Variants in RAF1 observed in about 807,000 individuals in gnomAD.
The protein encoded by RAF1 is RAF proto-oncogene serine/threonine-protein kinase.
RAF1 carries 27 observed loss-of-function variants against 81.1 expected under a neutral mutation model. The ratio of observed to expected loss-of-function variants is 0.33; its 90% CI spans 0.25 to 0.46. The LOEUF is 0.46. Among genes scored for constraint, RAF1 ranks in the 20% least tolerant of loss-of-function variants. The pLI is 1.00. For synonymous variants in RAF1, 298 were observed against 294.0 expected, an observed-to-expected ratio of 1.01 and a Z score of -0.14; for missense variants, 598 against 826.0, an observed-to-expected ratio of 0.72 and a Z score of 3.38.
chr3:12,625,779 T>C (rs1456778467), intron 1 of RAF1, among the ~76,000 whole-genome samples: 1 of 152,048 alleles, frequency 6.6e-6, no homozygotes. Flanking sequence ...TGACTGCACC[T>C]GTGAAGAGCC....
At chr3:12,631,847 G>A (rs1287994545) in intron 1 of RAF1, among the ~76,000 whole-genome samples, 4 of 152,110 alleles carry the variant, frequency 2.6e-5, no homozygotes, top group Admixed American at 2.6e-4. Context: ...CCTGCTAGCT[G>A]AGCTACATCT....
In RAF1 at chr3:12,663,872, T is replaced by C; in HGVS notation, c.-86A>G. The C allele has an allele frequency of 2.5e-6, 1 of 397,892 alleles. No individual in the cohort carries two copies. The highest frequency in any genetic ancestry group is 4.4e-6 in the Non-Finnish European group (1 of 225,622). 24.6% of individuals were successfully genotyped at this position (397,892 alleles called of 1,614,324 possible). ...TCGGCGGCAGCTTCTCGCCCGCTCC[T>C]CCTCCCCGCGGCGGGTGAGGGAGCG... is the stretch of plus-strand genomic sequence containing the variant. On this transcript the variant is annotated 5_prime_UTR_variant, in exon 1 of 18. Coordinates refer to ENST00000442415, the MANE Select transcript of RAF1 (RefSeq NM_001354689.3).
intron 1 of RAF1, among the ~76,000 whole-genome samples, chr3:12,638,669 C>T (rs1467397724): frequency 6.6e-6 from 1 of 152,192 alleles, no homozygotes; most frequent in Non-Finnish European, 1.5e-5. Flanking sequence ...TTTCTACCTA[C>T]TCACACATCC....
chr3:12,583,963 C>G lies in RAF1; in HGVS notation c.*551G>C, dbSNP rs1269619857. On this transcript the variant is annotated 3_prime_UTR_variant, in exon 18 of 18. Coordinates refer to ENST00000442415, the MANE Select transcript of RAF1 (RefSeq NM_001354689.3). ...TAGAAGCTGTGAAAGGAGGACGTGT[C>G]CCCTAAGAAAAGTTCCATAGTACCA... is the stretch of plus-strand genomic sequence containing the variant. 4.1e-6 allele frequency: 1 copy of G among 244,214 alleles called. No individual in the cohort carries two copies. Among genetic ancestry groups the G allele is most frequent in the African/African-American group, 2.2e-5 (1 of 45,510 alleles). 15.1% of individuals were successfully genotyped at this position (244,214 alleles called of 1,614,324 possible). A position where few individuals can be genotyped will look rare whatever the true frequency, so the allele number is the denominator to read the frequency against.
chr3:12,647,651 GA>G (rs980367544), intron 1 of RAF1, among the ~76,000 whole-genome samples: 22 of 152,002 alleles, frequency 1.4e-4, no homozygotes, highest in African/African-American at 4.8e-4. Context: ...CACAACACTG[GA>G]AAAAAAATAA....
At chr3:12,656,961 TAC>T (rs1263034324) in intron 1 of RAF1, among the ~76,000 whole-genome samples, 3 of 147,944 alleles carry the variant, frequency 2.0e-5, no homozygotes, top group Admixed American at 6.9e-5. Flanking sequence ...CACGCCACTG[TAC>T]GCCAGCCTTT....
At chr3:12,617,038 C>T (rs2059390057) in intron 2 of RAF1, among the ~76,000 whole-genome samples, 1 of 152,170 alleles carries the variant, frequency 6.6e-6, no homozygotes, top group South Asian at 2.1e-4. Flanking sequence ...GGGCTCAAGC[C>T]ATCCTCCCAC....
chr3:12,640,914 A>G (rs528999006), intron 1 of RAF1, among the ~76,000 whole-genome samples: 1 of 152,264 alleles, frequency 6.6e-6, no homozygotes, highest in African/African-American at 2.4e-5. Flanking sequence ...ACATGCACAC[A>G]TATGTTTATT....
At chr3:12,644,112 T>C (rs778539280) in intron 1 of RAF1, among the ~76,000 whole-genome samples, 2 of 152,162 alleles carry the variant, frequency 1.3e-5, no homozygotes, top group Admixed American at 6.6e-5. Flanking sequence ...CACAACTATG[T>C]TCAAGGTGCA....
At chr3:12,639,456 T>G (rs936145826) in intron 1 of RAF1, among the ~76,000 whole-genome samples, 2 of 152,184 alleles carry the variant, frequency 1.3e-5, no homozygotes, top group Non-Finnish European at 2.9e-5. Context: ...ATGACATGAT[T>G]GTATATTTAG....
intron 11 of RAF1, among the ~76,000 whole-genome samples, chr3:12,599,466 A>G (rs1274608716): frequency 6.6e-6 from 1 of 152,230 alleles, no homozygotes; most frequent in Non-Finnish European, 1.5e-5. Flanking sequence ...ACATTTGATT[A>G]TAGGGCTCAA....
intron 5 of RAF1, among the ~76,000 whole-genome samples, chr3:12,607,013 C>T (rs1310474819): frequency 6.6e-6 from 1 of 152,156 alleles, no homozygotes; most frequent in Non-Finnish European, 1.5e-5. Context: ...CTAGGAAATA[C>T]TGGTCCTGTG....
At chr3:12,614,356 T>G (rs1377001363) in intron 2 of RAF1, among the ~76,000 whole-genome samples, 2 of 152,152 alleles carry the variant, frequency 1.3e-5, no homozygotes, top group African/African-American at 4.8e-5. Context: ...CATGGTTAGC[T>G]AAGTGTTGAA....
At chr3:12,595,664 C>T (rs1217451330) in intron 11 of RAF1, among the ~76,000 whole-genome samples, 1 of 152,092 alleles carries the variant, frequency 6.6e-6, no homozygotes, top group Non-Finnish European at 1.5e-5. Context: ...CTTGATGTTA[C>T]TGCTTCCCTA....
At chr3:12,652,948 A>C (rs1559490281) in intron 1 of RAF1, among the ~76,000 whole-genome samples, 5 of 92,292 alleles carry the variant, frequency 5.4e-5, no homozygotes, top group Non-Finnish European at 1.1e-4. Flanking sequence ...CTCAAAAAAA[A>C]AAAATTTTTT....
Position 12,599,643 on chromosome 3 carries a change from C to A in RAF1, c.1168+48G>T, listed in dbSNP as rs1473698255. 4 of 1,494,534 alleles carry A rather than the reference C, an allele frequency of 2.7e-6. No individual in the cohort carries two copies. In the Admixed American group the frequency reaches 6.7e-5, roughly 25 times the overall value. The allele number at this position is 1,494,534 out of a possible 1,614,324, so 92.6% of individuals were successfully genotyped here. A position where few individuals can be genotyped will look rare whatever the true frequency, so the allele number is the denominator to read the frequency against. On this transcript the variant is annotated intron_variant, in intron 11 of 17. Coordinates refer to ENST00000442415, the MANE Select transcript of RAF1 (RefSeq NM_001354689.3). Reference sequence around the variant, plus strand: ...CCTGGCCCCCTGGGCTGAAACTTGACTTCACACCAAAGCCCTGCAGTTAGT... The same window carrying A: ...CCTGGCCCCCTGGGCTGAAACTTGAATTCACACCAAAGCCCTGCAGTTAGT...
chr3:12,658,404 A>G (rs1359964978), intron 1 of RAF1, among the ~76,000 whole-genome samples: 1 of 152,202 alleles, frequency 6.6e-6, no homozygotes, highest in Non-Finnish European at 1.5e-5. Context: ...GGAGTTCAAG[A>G]CCAGCATGAC....
chr3:12,619,052 T>C (rs960035916), intron 1 of RAF1, among the ~76,000 whole-genome samples: 2 of 149,850 alleles, frequency 1.3e-5, no homozygotes, highest in African/African-American at 4.9e-5. Context: ...GAGACCATCC[T>C]GGCTAACACG....
rs546493995 is a variant in RAF1, at chr3:12,622,463, C to T, written c.-26-3716G>A. On this transcript the variant is annotated intron_variant, in intron 1 of 17. Coordinates refer to ENST00000442415, the MANE Select transcript of RAF1 (RefSeq NM_001354689.3). ...TTTGTGCCTCAAGACTTCTGAACTT[C>T]GTGTTTCTCTTCACCTGCAAGGCTG... 2.6e-5 allele frequency among the ~76,000 whole-genome samples: 4 copies of T among 152,328 alleles called. No homozygotes were observed. In the South Asian group the frequency reaches 8.3e-4, roughly 32 times the overall value.
Sources: allele counts gnomAD v4.1 joint callset (sites outside exome capture counted in the v4.1 genomes callset), GRCh38; gene constraint gnomAD v4.1.1; transcripts MANE v1.5; gene names NCBI Gene and HGNC (gene_info 2026-07-23, HGNC 2026-07-21).